The following PKHD1L1 variants were observed in gnomAD, a reference collection of about 807,000 sequenced individuals.
PKHD1L1 encodes fibrocystin-L.
PKHD1L1 carries 434 observed loss-of-function variants against 462.9 expected under a neutral mutation model. The observed-to-expected ratio is 0.94, with a 90% CI of 0.87 to 1.02. PKHD1L1 has a LOEUF of 1.02. PKHD1L1 is among the 50% of genes least tolerant of loss of function. The pLI, the probability that PKHD1L1 is intolerant of heterozygous loss-of-function variation, is 0.00. For missense variants in PKHD1L1, 5,202 were observed against 5,096.1 expected (o/e 1.02, Z -0.63); for synonymous variants, 1,781 against 1,750.0 (o/e 1.02, Z -0.44).
chr8:109,442,126 G>T lies in PKHD1L1; in HGVS notation c.4324G>T (p.Val1442Phe), dbSNP rs200619099. The T allele has an allele frequency of 9.3e-6, 15 of 1,613,250 alleles. No individual in the cohort carries two copies. Among genetic ancestry groups the T allele is most frequent in the Non-Finnish European group, 1.3e-5 (15 of 1,179,580 alleles). ...AGGGATAGGATATAGGATTTTTTCT[G>T]TCTCCAGTCCTGGAAGTGTAATTTA... ...LRGIGYRIFS[V>F]SSPGSVIYDG... The change falls in exon 35 of 78, where the codon GTC becomes TTC. Residue 1442 changes from valine (V) to phenylalanine (F), a missense_variant. Val to Phe is a conservative substitution (Grantham distance 50). Coordinates refer to ENST00000378402, the MANE Select transcript of PKHD1L1 (RefSeq NM_177531.6).
Position 109,508,276 on chromosome 8 carries a change from ATAT to A in PKHD1L1, c.11395+13_11395+15del. Reference sequence around the variant, plus strand: ...TGATCTTATTAATGGTAGGTATTCAATATGAGTAAACTACAATTACTCAAAACA... The same window carrying A: ...TGATCTTATTAATGGTAGGTATTCAAGAGTAAACTACAATTACTCAAAACA... On this transcript the variant is annotated intron_variant, in intron 70 of 77. Transcript: ENST00000378402. The A allele has an allele frequency of 1.3e-6, 2 of 1,589,446 alleles. No homozygotes were observed. The highest frequency in any genetic ancestry group is 1.7e-6 in the Non-Finnish European group (2 of 1,169,042).
chr8:109,406,309 G>T (rs914505572), intron 16 of PKHD1L1, 26 bp from the exon 17 acceptor site: 4 of 1,529,188 alleles, frequency 2.6e-6, no homozygotes, highest in East Asian at 2.5e-5. Flanking sequence ...CTGTTTGTTT[G>T]TTTGTTTGTT....
intron 46 of PKHD1L1, among the ~76,000 whole-genome samples, chr8:109,458,927 T>G (rs1054855038): frequency 1.3e-5 from 2 of 152,162 alleles, no homozygotes; most frequent in African/African-American, 4.8e-5. Context: ...GTTGAATGAC[T>G]AAATGCATGA....
chr8:109,443,410 CGTT>C (rs1379531315), intron 36 of PKHD1L1, among the ~76,000 whole-genome samples: 1 of 152,116 alleles, frequency 6.6e-6, no homozygotes, highest in African/African-American at 2.4e-5. Flanking sequence ...TGTAAGATGA[CGTT>C]GTTATTTTCC....
At chr8:109,427,561 T>A (rs1007646484) in intron 25 of PKHD1L1, among the ~76,000 whole-genome samples, 4 of 152,130 alleles carry the variant, frequency 2.6e-5, no homozygotes, top group Non-Finnish European at 5.9e-5. Flanking sequence ...CCTTGGATAC[T>A]TTTGTGGTTA....
chr8:109,457,688 G>A (rs1212560119), intron 46 of PKHD1L1, among the ~76,000 whole-genome samples: 2 of 152,108 alleles, frequency 1.3e-5, no homozygotes, highest in Non-Finnish European at 2.9e-5. Flanking sequence ...GTTAATAAGT[G>A]TAAAGCAGTA....
intron 14 of PKHD1L1, among the ~76,000 whole-genome samples, chr8:109,403,070 G>A (rs955530886): frequency 6.6e-6 from 1 of 152,160 alleles, no homozygotes; most frequent in African/African-American, 2.4e-5. Context: ...TGGAAAATGA[G>A]TTCAGTCTAC....
chr8:109,433,304 T>G, intron 28 of PKHD1L1, 88 bp downstream of exon 28: 1 of 1,100,120 alleles, frequency 9.1e-7, no homozygotes, highest in Non-Finnish European at 1.4e-6. Context: ...ATCTTGATCG[T>G]GTACAATTAT....
intron 43 of PKHD1L1, 48 bp downstream of exon 43, chr8:109,452,922 C>A (rs1346552056): frequency 1.6e-6 from 2 of 1,266,666 alleles, no homozygotes; most frequent in Admixed American, 7.8e-5. Context: ...ATAAATATTT[C>A]TGTGAAACTG....
At chr8:109,385,963 C>T (rs142098688) in intron 6 of PKHD1L1, among the ~76,000 whole-genome samples, 80 of 152,280 alleles carry the variant, frequency 5.3e-4, no homozygotes, top group Middle Eastern at 6.8e-3. Flanking sequence ...CTTAATCTAA[C>T]TGTCTCATTT....
chr8:109,402,022 G>A (rs1813298649), intron 14 of PKHD1L1, among the ~76,000 whole-genome samples: 1 of 152,084 alleles, frequency 6.6e-6, no homozygotes, highest in African/African-American at 2.4e-5. Context: ...CCAGGTACTG[G>A]AAATTTAAGA....
chr8:109,476,623 G>C lies in PKHD1L1; in HGVS notation c.8873G>C (p.Gly2958Ala). Residue 2958 changes from glycine (G) to alanine (A), a missense_variant, in exon 52 of 78, where the codon GGG becomes GCG. Physicochemically the swap from Gly to Ala is moderately conservative, Grantham distance 60. Transcript: ENST00000378402. ...TTGAATTGGAATACTAGCAAGAATG[G>C]GGACTGGCACCTTGAAGCAAACACT... Reference protein sequence around the residue: ...NPLNWNTSKNGDWHLEANTST... With the variant: ...NPLNWNTSKNADWHLEANTST... 1.3e-6 allele frequency: 2 copies of C among 1,599,554 alleles called. No homozygotes were observed. Among genetic ancestry groups the C allele is most frequent in the Non-Finnish European group, 1.7e-6 (2 of 1,172,000 alleles).
chr8:109,514,296 G>C (rs1820153299), intron 71 of PKHD1L1, among the ~76,000 whole-genome samples: 1 of 152,058 alleles, frequency 6.6e-6, no homozygotes. Flanking sequence ...CATGCACCCT[G>C]ATTTACTTTT....
intron 50 of PKHD1L1, among the ~76,000 whole-genome samples, chr8:109,473,632 A>T (rs1296829712): frequency 6.6e-6 from 1 of 152,178 alleles, no homozygotes; most frequent in Non-Finnish European, 1.5e-5. Flanking sequence ...GATTTTAATC[A>T]GCTCTTCTAT....
chr8:109,436,317 T>A, intron 29 of PKHD1L1, 21 bp from the exon 30 acceptor site: 1 of 1,597,278 alleles, frequency 6.3e-7, no homozygotes, highest in Non-Finnish European at 8.5e-7. Flanking sequence ...GTTGTTGTTT[T>A]TGTTTGCTTT....
Position 109,531,665 on chromosome 8 carries a change from C to T in PKHD1L1, c.*1575C>T, listed in dbSNP as rs552279656. On this transcript the variant is annotated 3_prime_UTR_variant, in exon 78 of 78. Coordinates refer to ENST00000378402, the MANE Select transcript of PKHD1L1 (RefSeq NM_177531.6). ...TGAACAGCTGGAATGGAAATAGTCA[C>T]AATTTTAAGGGAATTGCAGGTAAGA... 4.6e-5 allele frequency among the ~76,000 whole-genome samples: 7 copies of T among 152,270 alleles called. No homozygotes were observed. Among genetic ancestry groups the T allele is most frequent in the Admixed American group, 3.9e-4 (6 of 15,298 alleles).
At chr8:109,436,292 T>TAAC in intron 29 of PKHD1L1, 46 bp from the exon 30 acceptor site, 1 of 1,562,698 alleles carries the variant, frequency 6.4e-7, no homozygotes, top group Non-Finnish European at 8.7e-7. Flanking sequence ...CTTTTTGTTA[T>TAAC]AGTTGAACTG....
chr8:109,414,190 A>G (rs1373831751), intron 21 of PKHD1L1, among the ~76,000 whole-genome samples: 2 of 152,148 alleles, frequency 1.3e-5, no homozygotes, highest in Non-Finnish European at 2.9e-5. Flanking sequence ...CATTTATGGT[A>G]TTTCATTTAC....
chr8:109,446,204 C>G lies in PKHD1L1; in HGVS notation c.5776+559C>G, dbSNP rs550765892. On this transcript the variant is annotated intron_variant, in intron 38 of 77. Coordinates refer to ENST00000378402, the MANE Select transcript of PKHD1L1 (RefSeq NM_177531.6). ...CAATAGGTTGATATATCTTCTTAGT[C>G]CTTTGTCATTATGCTATGCTATTTC... is the stretch of plus-strand genomic sequence containing the variant. Among the ~76,000 whole-genome samples the G allele has an allele frequency of 2.6e-5, 4 of 152,180 alleles. No homozygotes were observed. The South Asian group carries it at 8.3e-4, about 32-fold the overall frequency.
Sources: gnomAD v4.1 joint callset for allele counts (sites outside exome capture counted in the v4.1 genomes callset) on GRCh38, gnomAD v4.1.1 for gene constraint, MANE v1.5 for transcripts, NCBI Gene and HGNC (gene_info 2026-07-23, HGNC 2026-07-21) for gene names.